SNRNP48: variants seen among roughly 807,000 people sequenced by gnomAD.
SNRNP48 encodes the protein small nuclear ribonucleoprotein U11/U12 subunit 48.
A neutral mutation model predicts 47.0 loss-of-function variants in SNRNP48; 43 were observed. The ratio of observed to expected loss-of-function variants is 0.92; its 90% CI spans 0.72 to 1.18. The LOEUF is 1.18. Among genes scored for constraint, SNRNP48 ranks in the 50% most tolerant of loss-of-function variants. The pLI is 0.00. For synonymous variants in SNRNP48, 138 were observed against 144.0 expected (o/e 0.96, Z 0.30); for missense variants, 396 against 422.2 (o/e 0.94, Z 0.54).
chr6:7,602,531 T>C, intron 5 of SNRNP48, 92 bp from the exon 6 acceptor site: 1 of 1,021,356 alleles, frequency 9.8e-7, no homozygotes, highest in South Asian at 2.1e-5. Context: ...TTGAAACAAG[T>C]TAAAATATAG....
intron 8 of SNRNP48, among the ~76,000 whole-genome samples, chr6:7,608,535 A>G (rs1760175186): frequency 6.6e-6 from 1 of 152,210 alleles, no homozygotes; most frequent in Non-Finnish European, 1.5e-5. Flanking sequence ...AGCCTGGGCA[A>G]CAAGAGTGAA....
At chr6:7,605,268 C>A in intron 6 of SNRNP48, 130 bp from the exon 7 acceptor site, 1 of 684,282 alleles carries the variant, frequency 1.5e-6, no homozygotes. Context: ...CTAAACTGCA[C>A]AAGTCCCACA....
intron 4 of SNRNP48, among the ~76,000 whole-genome samples, chr6:7,597,859 C>T (rs570753075): frequency 5.9e-5 from 8 of 135,614 alleles, no homozygotes; most frequent in Admixed American, 8.4e-5. Flanking sequence ...AATTGTTAAC[C>T]GTAACCTTTT....
At position 7,611,708 on chromosome 6, in the gene SNRNP48, A is replaced by G. The variant is rs1362550651; in HGVS notation, c.*2835A>G. ...ATGCTACAGTACAGACATTAATTCTATAAACATGTTCATAGGTCTTCCCCC... is the reference window on the plus strand; with the variant it reads ...ATGCTACAGTACAGACATTAATTCTGTAAACATGTTCATAGGTCTTCCCCC... On this transcript the variant is annotated 3_prime_UTR_variant, in exon 9 of 9. Coordinates refer to ENST00000342415, the MANE Select transcript of SNRNP48 (RefSeq NM_152551.4). 6.6e-6 allele frequency: 1 copy of G among 152,234 alleles called. No homozygotes were observed. The highest frequency in any genetic ancestry group is 6.5e-5 in the Admixed American group (1 of 15,282). The allele number at this position is 152,234 out of a possible 1,614,324, so 9.4% of individuals were successfully genotyped here.
At chr6:7,605,601 G>A (rs111790865) in intron 7 of SNRNP48, 115 bp downstream of exon 7, 5 of 936,396 alleles carry the variant, frequency 5.3e-6, no homozygotes, top group Admixed American at 4.9e-5. Flanking sequence ...CAGTAAACTC[G>A]TGAAAATGCT....
chr6:7,611,275 TC>T lies in SNRNP48; in HGVS notation c.*2404del, dbSNP rs1267031476. ...GTCTTGAACTCCTGGGCTCAGATGA[TC>T]CTCCTGTCCTCAGCCTCCCAAAATG... On this transcript the variant is annotated 3_prime_UTR_variant, in exon 9 of 9. Transcript: ENST00000342415. The T allele has an allele frequency of 6.6e-6, 1 of 152,252 alleles. No individual in the cohort carries two copies. The highest frequency in any genetic ancestry group is 1.5e-5 in the Non-Finnish European group (1 of 68,096). 9.4% of individuals were successfully genotyped at this position (152,252 alleles called of 1,614,324 possible).
chr6:7,605,581 T>TG, intron 7 of SNRNP48, 95 bp downstream of exon 7: 1 of 1,127,434 alleles, frequency 8.9e-7, no homozygotes, highest in Non-Finnish European at 1.3e-6. Flanking sequence ...CCAAAACCCT[T>TG]GATAGCACAC....
chr6:7,592,538 T>C (rs1188768259), intron 1 of SNRNP48, among the ~76,000 whole-genome samples: 1 of 152,174 alleles, frequency 6.6e-6, no homozygotes, highest in African/African-American at 2.4e-5. Context: ...TAAACTTTGG[T>C]ATACTTTTTT....
At position 7,605,407 on chromosome 6, in the gene SNRNP48, G is replaced by A; in HGVS notation, c.727G>A (p.Asp243Asn). 1 of 1,613,988 alleles carries A rather than the reference G, an allele frequency of 6.2e-7. No homozygotes were observed. The highest frequency in any genetic ancestry group is 2.2e-5 in the East Asian group (1 of 44,876). ...TKKSYTEVIR[D>N]VINVHMEELS... is the part of the protein sequence containing the mutation. Reference sequence around the variant, plus strand: ...GCTTACCTCTCCCAAGGTGATTCGAGATGTGATAAATGTGCACATGGAAGA... The same window carrying A: ...GCTTACCTCTCCCAAGGTGATTCGAAATGTGATAAATGTGCACATGGAAGA... The change falls in exon 7 of 9, where the codon GAT becomes AAT. Residue 243 changes from aspartate to asparagine, a missense_variant. By Grantham distance (23) the Asp-to-Asn change is conservative (BLOSUM62 1). Coordinates refer to ENST00000342415, the MANE Select transcript of SNRNP48 (RefSeq NM_152551.4).
In SNRNP48 at chr6:7,609,842, G is replaced by C. The variant is rs1760200373; in HGVS notation, c.*969G>C. 2 of 151,976 alleles carry C rather than the reference G, an allele frequency of 1.3e-5. No individual in the cohort carries two copies. The highest frequency in any genetic ancestry group is 1.3e-4 in the Admixed American group (2 of 15,266). The allele number at this position is 151,976 out of a possible 1,614,324, so 9.4% of individuals were successfully genotyped here. A position where few individuals can be genotyped will look rare whatever the true frequency, so the allele number is the denominator to read the frequency against. ...TGGGTTTTGACAGATTCATACCTCT[G>C]TGCAGCCACTATCACGATCAAGATA... On this transcript the variant is annotated 3_prime_UTR_variant, in exon 9 of 9. Transcript: ENST00000342415.
rs1581833322 is a variant in SNRNP48, at chr6:7,594,126, T to C, written c.298T>C (p.Tyr100His). 1 of 1,428,380 alleles carries C rather than the reference T, an allele frequency of 7.0e-7. No homozygotes were observed. The allele number at this position is 1,428,380 out of a possible 1,614,324, so 88.5% of individuals were successfully genotyped here. The change falls in exon 3 of 9, where the codon TAT becomes CAT. Residue 100 changes from tyrosine (Y) to histidine (H), a missense_variant. Physicochemically the swap from Tyr to His is moderately conservative, Grantham distance 83. Transcript: ENST00000342415. Reference sequence around the variant, plus strand: ...TGAAATGTATAATCCTGAGTTTTTCTATGAAAATGTGAAGATACCTTCGAT... The same window carrying C: ...TGAAATGTATAATCCTGAGTTTTTCCATGAAAATGTGAAGATACCTTCGAT... ...EDEMYNPEFFYENVKIPSITL... is the reference protein window; with the variant it reads ...EDEMYNPEFFHENVKIPSITL...
At chr6:7,606,455 C>T (rs776480959) in intron 8 of SNRNP48, among the ~76,000 whole-genome samples, 1 of 152,148 alleles carries the variant, frequency 6.6e-6, no homozygotes, top group African/African-American at 2.4e-5. Context: ...CTAAACAGGA[C>T]ATATGAAAGT....
In SNRNP48 at chr6:7,602,857, C is replaced by T. The variant is rs1049537863; in HGVS notation, c.717+113C>T. On this transcript the variant is annotated intron_variant, in intron 6 of 8. Coordinates refer to ENST00000342415, the MANE Select transcript of SNRNP48 (RefSeq NM_152551.4). Reference sequence around the variant, plus strand: ...TTTTCTGAAAGTGTCTTCAGGGTGGCCACACCTGATTTGTATCTGTTCCAT... The same window carrying T: ...TTTTCTGAAAGTGTCTTCAGGGTGGTCACACCTGATTTGTATCTGTTCCAT... The T allele has an allele frequency of 2.4e-5, 22 of 933,408 alleles. No homozygotes were observed. The African/African-American group carries it at 2.6e-4, about 11-fold the overall frequency. The allele number at this position is 933,408 out of a possible 1,614,324, so 57.8% of individuals were successfully genotyped here. A position where few individuals can be genotyped will look rare whatever the true frequency, so the allele number is the denominator to read the frequency against.
intron 1 of SNRNP48, among the ~76,000 whole-genome samples, chr6:7,591,915 T>C (rs1177768765): frequency 2.0e-5 from 3 of 152,200 alleles, no homozygotes; most frequent in Non-Finnish European, 4.4e-5. Flanking sequence ...TAGTTCCTAG[T>C]CCTCACAGAG....
chr6:7,595,686 G>C (rs1759892632), intron 4 of SNRNP48, among the ~76,000 whole-genome samples: 1 of 152,174 alleles, frequency 6.6e-6, no homozygotes. Context: ...TAAAGAAAAG[G>C]CTTAGGCTAA....
rs1183138639 is a variant in SNRNP48, at chr6:7,609,678, A to AAC, written c.*807_*808dup. ...CAGAGGGAACTTTAGCTTTATCCAT[A>AAC]ACATTAATTTTTTTAAAAAATAAGG... On this transcript the variant is annotated 3_prime_UTR_variant, in exon 9 of 9. Transcript: ENST00000342415. The AAC allele has an allele frequency of 4.6e-5, 7 of 150,574 alleles. No individual in the cohort carries two copies. The highest frequency in any genetic ancestry group is 1.3e-4 in the Admixed American group (2 of 15,244). The allele number at this position is 150,574 out of a possible 1,614,324, so 9.3% of individuals were successfully genotyped here.
chr6:7,599,028 C>G (rs1759962135), intron 4 of SNRNP48, among the ~76,000 whole-genome samples: 1 of 152,076 alleles, frequency 6.6e-6, no homozygotes, highest in African/African-American at 2.4e-5. Flanking sequence ...AGTGTACTAT[C>G]AAAGAAACTT....
At chr6:7,602,551 G>T in intron 5 of SNRNP48, 72 bp from the exon 6 acceptor site, 2 of 1,167,252 alleles carry the variant, frequency 1.7e-6, no homozygotes, top group Non-Finnish European at 1.2e-6. Flanking sequence ...GGATTGTGAT[G>T]TATTTATTTG....
chr6:7,599,865 C>A, intron 4 of SNRNP48: 3 of 1,052,902 alleles, frequency 2.8e-6, no homozygotes, highest in South Asian at 4.4e-5. Flanking sequence ...CAGTCTTCAT[C>A]ATAAAGAAAT....
Sources: gnomAD v4.1 joint callset for allele counts (sites outside exome capture counted in the v4.1 genomes callset) on GRCh38, gnomAD v4.1.1 for gene constraint, MANE v1.5 for transcripts, NCBI Gene and HGNC (gene_info 2026-07-23, HGNC 2026-07-21) for gene names.